The following PTPRD variants were observed in gnomAD, a reference collection of about 807,000 sequenced individuals.
PTPRD encodes the protein receptor-type tyrosine-protein phosphatase delta.
In PTPRD, 34 loss-of-function variants were observed where a neutral mutation model predicts 214.5. The ratio of observed to expected loss-of-function variants is 0.16; its 90% CI spans 0.12 to 0.21. The LOEUF (loss-of-function observed/expected upper bound fraction) is 0.21, where lower values mean the gene tolerates loss of function less well. PTPRD is among the 10% of genes least tolerant of loss of function. The pLI is 1.00. For synonymous variants in PTPRD, 1,128 were observed against 845.7 expected (o/e 1.33, Z -5.79); for missense variants, 2,545 against 2,398.7 (o/e 1.06, Z -1.27).
At chr9:9,522,985 C>T (rs183361751) in intron 8 of PTPRD, among the ~76,000 whole-genome samples, 29 of 151,972 alleles carry the variant, frequency 1.9e-4, no homozygotes, top group East Asian at 1.2e-3. Context: ...ATGGAGGAGG[C>T]CATGTATATA....
chr9:8,941,208 G>T (rs1000721399), intron 11 of PTPRD, among the ~76,000 whole-genome samples: 2 of 152,086 alleles, frequency 1.3e-5, no homozygotes, highest in Non-Finnish European at 1.5e-5. Context: ...ATGGGTAAAT[G>T]TATCTCCTCA....
chr9:9,828,677 T>C (rs1002388914), intron 5 of PTPRD, among the ~76,000 whole-genome samples: 1 of 151,540 alleles, frequency 6.6e-6, no homozygotes, highest in African/African-American at 2.4e-5. Context: ...GCTAATTTAC[T>C]TCCTAATGAA....
intron 11 of PTPRD, among the ~76,000 whole-genome samples, chr9:8,797,701 G>C (rs1408977188): frequency 6.6e-6 from 1 of 152,130 alleles, no homozygotes; most frequent in African/African-American, 2.4e-5. Context: ...AGCAAAAGCT[G>C]AACCATTTAT....
At chr9:10,482,259 T>C (rs991610782) in intron 2 of PTPRD, among the ~76,000 whole-genome samples, 6 of 151,778 alleles carry the variant, frequency 4.0e-5, no homozygotes, top group African/African-American at 1.5e-4. Context: ...TAGTCCCAGC[T>C]ACTGAGGAGG....
chr9:9,034,941 T>A (rs1275439924), intron 10 of PTPRD, among the ~76,000 whole-genome samples: 1 of 152,136 alleles, frequency 6.6e-6, no homozygotes, highest in East Asian at 1.9e-4. Context: ...TGGTGCAGTC[T>A]GAAATCTTGG....
At chr9:9,775,080 A>C (rs1006124851) in intron 5 of PTPRD, among the ~76,000 whole-genome samples, 3 of 152,220 alleles carry the variant, frequency 2.0e-5, no homozygotes, top group Non-Finnish European at 4.4e-5. Context: ...CTTGAGCACC[A>C]GTTTGGAGAG....
chr9:10,292,760 T>C (rs1411875536), intron 3 of PTPRD, among the ~76,000 whole-genome samples: 6 of 151,922 alleles, frequency 3.9e-5, no homozygotes, highest in Admixed American at 3.9e-4. Context: ...TGAATGACTG[T>C]AGGATTTTTC....
intron 3 of PTPRD, among the ~76,000 whole-genome samples, chr9:10,190,561 T>G (rs763279865): frequency 3.3e-5 from 5 of 150,828 alleles, no homozygotes; most frequent in Admixed American, 1.3e-4. Context: ...CTACTAAAAA[T>G]ACAAAAACTA....
At chr9:8,676,526 G>A (rs1294457505) in intron 12 of PTPRD, among the ~76,000 whole-genome samples, 3 of 151,560 alleles carry the variant, frequency 2.0e-5, no homozygotes, top group Admixed American at 2.0e-4. Context: ...GGGATTACAG[G>A]TGCCTGCCAC....
At chr9:8,489,264 A>G (rs536154843) in intron 27 of PTPRD, among the ~76,000 whole-genome samples, 1 of 152,212 alleles carries the variant, frequency 6.6e-6, no homozygotes, top group East Asian at 1.9e-4. Context: ...TTTGTTTTTG[A>G]TGTTGGCATG....
intron 9 of PTPRD, among the ~76,000 whole-genome samples, chr9:9,345,361 G>C (rs2048394488): frequency 6.6e-6 from 1 of 151,984 alleles, no homozygotes; most frequent in Non-Finnish European, 1.5e-5. Context: ...TGTTAAAGTA[G>C]GTTTTTTTGA....
Position 9,185,054 on chromosome 9 carries a change from G to A in PTPRD, c.-202-1691C>T, listed in dbSNP as rs550483171. ...TTGTGGGTTTTAGGTAAGACGCTGAGAGCATTGCACAACCTTAGTCAGAAG... is the reference window on the plus strand; with the variant it reads ...TTGTGGGTTTTAGGTAAGACGCTGAAAGCATTGCACAACCTTAGTCAGAAG... On this transcript the variant is annotated intron_variant, in intron 9 of 45. Transcript: ENST00000381196. Among the ~76,000 whole-genome samples, 12 of 152,134 alleles carry A rather than the reference G, an allele frequency of 7.9e-5. No homozygotes were observed. The South Asian group carries it at 2.5e-3, about 32-fold the overall frequency.
At chr9:8,893,839 G>C (rs983053081) in intron 11 of PTPRD, among the ~76,000 whole-genome samples, 1 of 152,192 alleles carries the variant, frequency 6.6e-6, no homozygotes, top group African/African-American at 2.4e-5. Flanking sequence ...GGGAAGAAAA[G>C]CTCGCTGTAG....
chr9:9,888,312 T>C (rs2071762913), intron 5 of PTPRD, among the ~76,000 whole-genome samples: 1 of 152,192 alleles, frequency 6.6e-6, no homozygotes, highest in South Asian at 2.1e-4. Flanking sequence ...CCCAAGTCAT[T>C]ATCTACTTTG....
At chr9:8,505,646 G>A (rs7853675) in intron 22 of PTPRD, among the ~76,000 whole-genome samples, 5,138 of 102,734 alleles carry the variant, frequency 0.05, 454 homozygotes, top group African/African-American at 0.16. Context: ...AAAAAAAAAA[G>A]AAGAAGAAGA....
At chr9:10,025,358 C>T (rs1009933841) in intron 4 of PTPRD, among the ~76,000 whole-genome samples, 3 of 152,096 alleles carry the variant, frequency 2.0e-5, no homozygotes, top group Admixed American at 6.6e-5. Context: ...ACTGCTTACA[C>T]ATTTCCAATG....
At chr9:10,164,034 C>T (rs905688664) in intron 3 of PTPRD, among the ~76,000 whole-genome samples, 2 of 151,300 alleles carry the variant, frequency 1.3e-5, no homozygotes, top group Admixed American at 6.6e-5. Context: ...GATCACTTGG[C>T]CTGAAGCACA....
chr9:10,360,854 G>A (rs961275282), intron 2 of PTPRD, among the ~76,000 whole-genome samples: 8 of 152,154 alleles, frequency 5.3e-5, no homozygotes, highest in Admixed American at 3.9e-4. Context: ...TGTAATCCCA[G>A]CACTTTGGGA....
intron 10 of PTPRD, among the ~76,000 whole-genome samples, chr9:9,166,052 C>T (rs998460871): frequency 3.3e-5 from 5 of 151,756 alleles, no homozygotes; most frequent in Non-Finnish European, 5.9e-5. Flanking sequence ...ATTAAAAAAA[C>T]CTGTGGTGAC....
Sources: gnomAD v4.1 joint callset for allele counts (sites outside exome capture counted in the v4.1 genomes callset) on GRCh38, gnomAD v4.1.1 for gene constraint, MANE v1.5 for transcripts, NCBI Gene and HGNC (gene_info 2026-07-23, HGNC 2026-07-21) for gene names.